The following CYP2C8 variants were observed in gnomAD, a reference collection of about 807,000 sequenced individuals.
The protein encoded by CYP2C8 is cytochrome P450 2C8.
CYP2C8 carries 51 observed loss-of-function variants against 41.3 expected under a neutral mutation model. The observed-to-expected ratio is 1.24, with a 90% CI of 0.99 to 1.56. CYP2C8 has a LOEUF of 1.56. CYP2C8 is among the 40% of genes most tolerant of loss of function. The pLI is 0.00. For synonymous variants in CYP2C8, 218 were observed against 205.8 expected (o/e 1.06, Z -0.51); for missense variants, 651 against 579.9 (o/e 1.12, Z -1.26).
chr10:95,045,866 G>T lies in CYP2C8; in HGVS notation c.905C>A (p.Thr302Lys). ...GAGTCCATATCTCAGAGTGGTGCTTGTTGTCTCTGTTCCAGCAACAAATAG... is the reference window on the plus strand; with the variant it reads ...GAGTCCATATCTCAGAGTGGTGCTTTTTGTCTCTGTTCCAGCAACAAATAG... ...ADLFVAGTET[T>K]STTLRYGLLL... is the part of the protein sequence containing the mutation. Residue 302 changes from threonine (T) to lysine (K), a missense_variant, in exon 6 of 9, where the codon ACA (threonine) becomes AAA (lysine). Thr to Lys is a moderately conservative substitution (Grantham distance 78). Coordinates refer to ENST00000371270, the MANE Select transcript of CYP2C8 (RefSeq NM_000770.3). The T allele has an allele frequency of 6.2e-7, 1 of 1,614,066 alleles. No individual in the cohort carries two copies.
In CYP2C8 at chr10:95,067,603, G is replaced by C; in HGVS notation, c.257C>G (p.Ala86Gly). 1 of 1,614,102 alleles carries C rather than the reference G, an allele frequency of 6.2e-7. No homozygotes were observed. Among genetic ancestry groups the C allele is most frequent in the Non-Finnish European group, 8.5e-7 (1 of 1,179,984 alleles). ...AAACTCCTCTCCATTATCAATCAGG[G>C]CTTCCTTCACTGCCTCATATCCATG... is the stretch of plus-strand genomic sequence containing the variant. Reference protein sequence around the residue: ...VFHGYEAVKEALIDNGEEFSG... With the variant: ...VFHGYEAVKEGLIDNGEEFSG... The change falls in exon 2 of 9, where the codon GCC becomes GGC. Residue 86 changes from alanine (A) to glycine (G), a missense_variant. Transcript: ENST00000371270.
intron 1 of CYP2C8, 133 bp downstream of exon 1, chr10:95,069,102 A>T (rs2033627495): frequency 2.9e-6 from 3 of 1,018,916 alleles, no homozygotes; most frequent in South Asian, 2.8e-5. Flanking sequence ...AACATCAAAG[A>T]AGTTCAGAGG....
chr10:95,039,098 G>C, intron 7 of CYP2C8, 60 bp from the exon 8 acceptor site: 1 of 1,462,130 alleles, frequency 6.8e-7, no homozygotes, highest in East Asian at 2.3e-5. Flanking sequence ...AGGAGAAGTA[G>C]TGGACATCAC....
intron 4 of CYP2C8, among the ~76,000 whole-genome samples, chr10:95,062,778 G>A (rs57753527): frequency 0.046 from 7,063 of 152,196 alleles, 166 homozygotes; most frequent in Middle Eastern, 0.1. Flanking sequence ...GGCTGGTACC[G>A]GTTGTTCCTT....
At position 95,039,036 on chromosome 10, in the gene CYP2C8, G is replaced by A. The variant is rs749768223; in HGVS notation, c.1152C>T (p.Gly384=). ...TKFRNYLIPK[G]TTIMALLTSV... is the part of the protein sequence containing the mutation. ...AAGTCAGTAATGCCATTATGGTTGTGCCCTGGAAGTAACAAAACAGATAAT... is the reference window on the plus strand; with the variant it reads ...AAGTCAGTAATGCCATTATGGTTGTACCCTGGAAGTAACAAAACAGATAAT... Residue 384 remains glycine, a splice_region_variant and synonymous_variant, in exon 8 of 9, where the codon GGC becomes GGT. Transcript: ENST00000371270. 5.0e-6 allele frequency: 8 copies of A among 1,613,110 alleles called. No homozygotes were observed. The South Asian group carries it at 5.5e-5, about 11-fold the overall frequency.
chr10:95,039,914 T>A (rs1008127642), intron 7 of CYP2C8, among the ~76,000 whole-genome samples: 4 of 152,188 alleles, frequency 2.6e-5, no homozygotes, highest in African/African-American at 9.7e-5. Flanking sequence ...GGAATCTGCC[T>A]CTAGAAAACA....
Position 95,069,486 on chromosome 10 carries a change from T to C in CYP2C8, c.-84A>G, listed in dbSNP as rs1184121920. On this transcript the variant is annotated 5_prime_UTR_variant, in exon 1 of 9. Transcript: ENST00000371270. ...ACTCCCTGCTAATTTAGTGTGTGTC[T>C]CTTTGACATGTAAAGTAAACAATCA... 1 of 1,114,748 alleles carries C rather than the reference T, an allele frequency of 9.0e-7. No individual in the cohort carries two copies. The highest frequency in any genetic ancestry group is 1.4e-6 in the Non-Finnish European group (1 of 740,074). 69.1% of individuals were successfully genotyped at this position (1,114,748 alleles called of 1,614,324 possible). A position where few individuals can be genotyped will look rare whatever the true frequency, so the allele number is the denominator to read the frequency against.
intron 5 of CYP2C8, among the ~76,000 whole-genome samples, chr10:95,046,864 A>T (rs2033119503): frequency 6.6e-6 from 1 of 151,942 alleles, no homozygotes; most frequent in African/African-American, 2.4e-5. Flanking sequence ...TAAGCCAACT[A>T]TTTGATTAAG....
At chr10:95,055,387 T>G (rs1306528943) in intron 5 of CYP2C8, among the ~76,000 whole-genome samples, 1 of 151,906 alleles carries the variant, frequency 6.6e-6, no homozygotes, top group Non-Finnish European at 1.5e-5. Flanking sequence ...AAAGGAAGCG[T>G]TTCTTCAACA....
At chr10:95,059,584 T>C (rs1473236632) in intron 4 of CYP2C8, among the ~76,000 whole-genome samples, 1 of 152,222 alleles carries the variant, frequency 6.6e-6, no homozygotes, top group East Asian at 1.9e-4. Flanking sequence ...TTTCTCCCAT[T>C]CTGTAGGATG....
intron 6 of CYP2C8, among the ~76,000 whole-genome samples, chr10:95,043,789 C>T (rs1387560764): frequency 6.6e-6 from 1 of 151,872 alleles, no homozygotes; most frequent in Non-Finnish European, 1.5e-5. Context: ...TTCTACTTAC[C>T]AGAATATATT....
At chr10:95,050,884 C>A (rs76842296) in intron 5 of CYP2C8, among the ~76,000 whole-genome samples, 7 of 147,644 alleles carry the variant, frequency 4.7e-5, no homozygotes, top group Admixed American at 2.0e-4. Flanking sequence ...ACAAAAAAAA[C>A]CCCAGACTAC....
At chr10:95,066,119 T>TGAGAGAGA (rs144502351) in intron 3 of CYP2C8, among the ~76,000 whole-genome samples, 1,728 of 97,436 alleles carry the variant, frequency 0.018, 19 homozygotes, top group Non-Finnish European at 0.027. Flanking sequence ...GAAGCCTTGG[T>TGAGAGAGA]GAGAGAGAGA....
chr10:95,067,812 G>A (rs777797248), intron 1 of CYP2C8, 121 bp from the exon 2 acceptor site: 12 of 1,065,100 alleles, frequency 1.1e-5, no homozygotes, highest in East Asian at 5.2e-5. Context: ...ACATAGATTC[G>A]ATATTTCTGA....
At chr10:95,038,782 G>T in intron 8 of CYP2C8, 115 bp downstream of exon 8, 1 of 972,368 alleles carries the variant, frequency 1.0e-6, no homozygotes. Context: ...TGGTGCTCTT[G>T]ATCATGGACA....
rs552989839 is a variant in CYP2C8, at chr10:95,054,314, T to C, written c.819+4021A>G. ...GAAAGAAAGGAAAAATCTAACAAGA[T>C]AGACCATCTGAATAGAAGCTGAGAA... On this transcript the variant is annotated intron_variant, in intron 5 of 8. Transcript: ENST00000371270. 5.9e-5 allele frequency among the ~76,000 whole-genome samples: 9 copies of C among 152,220 alleles called. No homozygotes were observed. The East Asian group carries it at 1.5e-3, about 26-fold the overall frequency.
At chr10:95,053,818 G>A (rs541333381) in intron 5 of CYP2C8, among the ~76,000 whole-genome samples, 27 of 152,104 alleles carry the variant, frequency 1.8e-4, no homozygotes, top group African/African-American at 5.8e-4. Context: ...TAATTCATGC[G>A]GGGCTTAAAA....
chr10:95,042,723 C>T (rs774260681), intron 7 of CYP2C8, among the ~76,000 whole-genome samples, 167 bp downstream of exon 7: 1 of 152,166 alleles, frequency 6.6e-6, no homozygotes, highest in Non-Finnish European at 1.5e-5. Flanking sequence ...GGAGACCTAG[C>T]TTTATAAATC....
intron 8 of CYP2C8, 98 bp from the exon 9 acceptor site, chr10:95,037,407 A>G (rs894823642): frequency 1.0e-6 from 1 of 996,036 alleles, no homozygotes; most frequent in Non-Finnish European, 1.5e-6. Context: ...TATGCAGTAA[A>G]TAATTGATTA....
Sources: gnomAD v4.1 joint callset for allele counts (sites outside exome capture counted in the v4.1 genomes callset) on GRCh38, gnomAD v4.1.1 for gene constraint, MANE v1.5 for transcripts, NCBI Gene and HGNC (gene_info 2026-07-23, HGNC 2026-07-21) for gene names.